The following LRRC4C variants were observed in gnomAD, a reference collection of about 807,000 sequenced individuals.
LRRC4C encodes the protein leucine-rich repeat-containing protein 4C.
In LRRC4C, 5 loss-of-function variants were observed where a neutral mutation model predicts 33.6. That is an observed-to-expected ratio of 0.15 (90% CI 0.08 to 0.31). The LOEUF (loss-of-function observed/expected upper bound fraction) is 0.31, where lower values mean the gene tolerates loss of function less well. Among genes scored for constraint, LRRC4C ranks in the 10% least tolerant of loss-of-function variants. The pLI is 1.00. For synonymous variants in LRRC4C, 329 were observed against 302.0 expected (o/e 1.09, Z -0.93); for missense variants, 560 against 796.7 (o/e 0.70, Z 3.58).
chr11:40,179,227 A>C (rs1860775275), intron 5 of LRRC4C, among the ~76,000 whole-genome samples: 1 of 151,012 alleles, frequency 6.6e-6, no homozygotes, highest in Non-Finnish European at 1.5e-5. Flanking sequence ...CTGATCTCCA[A>C]CTCCTGAGCT....
At chr11:40,449,879 C>T (rs1279309167) in intron 3 of LRRC4C, among the ~76,000 whole-genome samples, 2 of 152,102 alleles carry the variant, frequency 1.3e-5, no homozygotes, top group Non-Finnish European at 1.5e-5. Context: ...AATATATTTT[C>T]AGGTAAGGGG....
chr11:40,822,079 C>A (rs1951951477), intron 2 of LRRC4C, among the ~76,000 whole-genome samples: 1 of 151,606 alleles, frequency 6.6e-6, no homozygotes, highest in African/African-American at 2.4e-5. Flanking sequence ...TATGTTTACC[C>A]TACTGTGCTA....
At chr11:41,149,425 T>C (rs1385669294) in intron 1 of LRRC4C, among the ~76,000 whole-genome samples, 1 of 140,246 alleles carries the variant, frequency 7.1e-6, no homozygotes, top group Non-Finnish European at 1.5e-5. Context: ...GAGAATGGCG[T>C]GAACAACCCG....
chr11:40,278,622 G>A (rs1192974982), intron 4 of LRRC4C, among the ~76,000 whole-genome samples: 2 of 152,158 alleles, frequency 1.3e-5, no homozygotes, highest in Non-Finnish European at 2.9e-5. Flanking sequence ...GATCACTACA[G>A]CCAGACGATT....
chr11:41,417,193 T>C (rs1488468876), intron 1 of LRRC4C, among the ~76,000 whole-genome samples: 1 of 152,050 alleles, frequency 6.6e-6, no homozygotes, highest in Non-Finnish European at 1.5e-5. Context: ...GGATATATAC[T>C]CAGTGACAAC....
chr11:40,762,741 A>G (rs960488157), intron 2 of LRRC4C, among the ~76,000 whole-genome samples: 4 of 152,048 alleles, frequency 2.6e-5, no homozygotes, highest in Non-Finnish European at 4.4e-5. Context: ...CCCTATCTGT[A>G]TCCTAAAATA....
At chr11:41,229,098 C>T (rs1184013334) in intron 1 of LRRC4C, among the ~76,000 whole-genome samples, 1 of 151,934 alleles carries the variant, frequency 6.6e-6, no homozygotes, top group Admixed American at 6.6e-5. Context: ...CTTAAGTCAC[C>T]TTCATGGGGG....
intron 5 of LRRC4C, among the ~76,000 whole-genome samples, chr11:40,153,421 T>C (rs1422643073): frequency 6.6e-6 from 1 of 151,940 alleles, no homozygotes; most frequent in Admixed American, 6.6e-5. Flanking sequence ...TCACCAGCAA[T>C]GGATCCAAAC....
intron 3 of LRRC4C, among the ~76,000 whole-genome samples, chr11:40,583,920 T>G (rs1958587391): frequency 6.6e-6 from 1 of 151,612 alleles, no homozygotes; most frequent in African/African-American, 2.4e-5. Flanking sequence ...CATAGACATG[T>G]GATAGGCAAG....
intron 1 of LRRC4C, among the ~76,000 whole-genome samples, chr11:41,146,249 C>T (rs1565425148): frequency 6.6e-6 from 1 of 152,154 alleles, no homozygotes; most frequent in East Asian, 1.9e-4. Flanking sequence ...CTTTTCTCTG[C>T]ATTAATTTGA....
chr11:40,603,881 A>G (rs1281964886), intron 3 of LRRC4C, among the ~76,000 whole-genome samples: 1 of 152,234 alleles, frequency 6.6e-6, no homozygotes, highest in Non-Finnish European at 1.5e-5. Context: ...TCACGTAAGT[A>G]TTCCAAAAAT....
At chr11:40,437,228 T>G (rs1012094938) in intron 3 of LRRC4C, among the ~76,000 whole-genome samples, 3 of 152,118 alleles carry the variant, frequency 2.0e-5, no homozygotes, top group Middle Eastern at 3.2e-3. Context: ...AAGGATTAGG[T>G]CAACCTGCAT....
chr11:40,615,750 T>C (rs1230071141), intron 3 of LRRC4C, among the ~76,000 whole-genome samples: 7 of 151,762 alleles, frequency 4.6e-5, no homozygotes, highest in Non-Finnish European at 8.9e-5. Flanking sequence ...CAGGAAGAAC[T>C]ACATTCCCTC....
intron 2 of LRRC4C, among the ~76,000 whole-genome samples, chr11:40,722,136 C>A (rs2136688720): frequency 6.6e-6 from 1 of 152,178 alleles, no homozygotes; most frequent in South Asian, 2.1e-4. Context: ...AGGAAGTGTG[C>A]ACTTGTATGT....
chr11:40,971,168 C>T (rs1851702770), intron 1 of LRRC4C, among the ~76,000 whole-genome samples: 1 of 152,164 alleles, frequency 6.6e-6, no homozygotes, highest in Non-Finnish European at 1.5e-5. Context: ...TGCTGATAGC[C>T]AGGGCAATGG....
At chr11:40,150,478 A>C (rs1207955698) in intron 5 of LRRC4C, among the ~76,000 whole-genome samples, 1 of 152,268 alleles carries the variant, frequency 6.6e-6, no homozygotes, top group Admixed American at 6.5e-5. Context: ...TAAAAGAGAC[A>C]TGGTCTTGCT....
At chr11:40,298,294 CATTT>C (rs1231084471) in intron 4 of LRRC4C, among the ~76,000 whole-genome samples, 4 of 151,542 alleles carry the variant, frequency 2.6e-5, no homozygotes, top group Non-Finnish European at 4.4e-5. Flanking sequence ...AAACAACAAT[CATTT>C]ATTATTTCTC....
At chr11:41,408,186 T>C (rs565355362) in intron 1 of LRRC4C, among the ~76,000 whole-genome samples, 1 of 152,316 alleles carries the variant, frequency 6.6e-6, no homozygotes, top group Non-Finnish European at 1.5e-5. Flanking sequence ...TCCAAGCCGG[T>C]TGTATTTAAT....
At chr11:41,126,158 C>T (rs959600323) in intron 1 of LRRC4C, among the ~76,000 whole-genome samples, 2 of 151,634 alleles carry the variant, frequency 1.3e-5, no homozygotes, top group African/African-American at 4.8e-5. Context: ...AACCTGCAGG[C>T]CCTGCACATG....
Sources: gnomAD v4.1 joint callset for allele counts (sites outside exome capture counted in the v4.1 genomes callset) on GRCh38, gnomAD v4.1.1 for gene constraint, MANE v1.5 for transcripts, NCBI Gene and HGNC (gene_info 2026-07-23, HGNC 2026-07-21) for gene names.